SIPA1L3: variants seen among roughly 807,000 people sequenced by gnomAD.
The protein encoded by SIPA1L3 is signal induced proliferation associated 1 like 3.
A neutral mutation model predicts 150.1 loss-of-function variants in SIPA1L3; 59 were observed. The observed-to-expected ratio is 0.39, with a 90% CI of 0.32 to 0.49. The LOEUF (loss-of-function observed/expected upper bound fraction) is 0.49. Among genes scored for constraint, SIPA1L3 ranks in the 20% least tolerant of loss-of-function variants. The pLI is 0.86. For missense variants in SIPA1L3, 2,211 were observed against 2,489.5 expected (o/e 0.89, Z 2.38); for synonymous variants, 1,070 against 1,077.6 (o/e 0.99, Z 0.14).
chr19:37,977,666 A>G (rs532715110), intron 1 of SIPA1L3, among the ~76,000 whole-genome samples: 98 of 151,998 alleles, frequency 6.4e-4, no homozygotes, highest in Middle Eastern at 3.4e-3. Context: ...AAGTTGGGGC[A>G]GAGACTCCAG....
chr19:38,013,990 G>C (rs185082578), intron 1 of SIPA1L3, among the ~76,000 whole-genome samples: 9 of 152,264 alleles, frequency 5.9e-5, no homozygotes, highest in Non-Finnish European at 1.3e-4. Flanking sequence ...TTGTCATTTT[G>C]TTGGGGACAG....
chr19:38,198,434 G>GC lies in SIPA1L3; in HGVS notation c.4891dup (p.Leu1631ProfsTer13). On this transcript the variant is annotated frameshift_variant, in exon 19 of 22. Transcript: ENST00000222345. LOFTEE classifies it high-confidence loss of function. Reference sequence around the variant, plus strand: ...CTCTCGCTGGCTGATGGGCGGGACCGCCCCCTGCGGCGCCTGGACCCTGGG... The same window carrying GC: ...CTCTCGCTGGCTGATGGGCGGGACCGCCCCCCTGCGGCGCCTGGACCCTGGG... The GC allele has an allele frequency of 1.9e-6, 3 of 1,596,310 alleles. No individual in the cohort carries two copies. Among genetic ancestry groups the GC allele is most frequent in the South Asian group, 2.3e-5 (2 of 88,804 alleles).
At chr19:38,203,799 T>C in intron 20 of SIPA1L3, 1 of 289,638 alleles carries the variant, frequency 3.5e-6, no homozygotes, top group East Asian at 7.5e-5. Flanking sequence ...AGTGGGCTCT[T>C]TGTATCCTGG....
chr19:37,924,336 T>C (rs901717470), intron 1 of SIPA1L3, among the ~76,000 whole-genome samples: 1 of 151,904 alleles, frequency 6.6e-6, no homozygotes, highest in African/African-American at 2.4e-5. Context: ...GTAACACACG[T>C]GGAGCTGTCA....
rs10644508 is a variant in SIPA1L3, at chr19:37,919,705, C to CTTTTTT, written c.-379+12364_-379+12369dup. Among the ~76,000 whole-genome samples the CTTTTTT allele has an allele frequency of 9.0e-4, 76 of 84,238 alleles. 2 individuals are homozygous for CTTTTTT. The highest frequency in any genetic ancestry group is 3.0e-3 in the African/African-American group (60 of 20,014). The allele number at this position is 84,238 out of a possible 152,430, so 55.3% of individuals were successfully genotyped here. A position where few individuals can be genotyped will look rare whatever the true frequency, so the allele number is the denominator to read the frequency against. The stretch of plus-strand genomic sequence containing the variant: ...TCCCAGGCCCCTTTGGGCCCTGAGG[C>CTTTTTT]TTTTTTTTTTTTTTTTTTTTTTGAG... On this transcript the variant is annotated intron_variant, in intron 1 of 21. Transcript: ENST00000222345.
chr19:38,157,243 C>T (rs1471594410), intron 13 of SIPA1L3, among the ~76,000 whole-genome samples: 1 of 152,192 alleles, frequency 6.6e-6, no homozygotes, highest in East Asian at 1.9e-4. Flanking sequence ...TTTGCCCAGC[C>T]CCGATGGAGC....
At chr19:38,167,281 C>A (rs1234139667) in intron 15 of SIPA1L3, among the ~76,000 whole-genome samples, 1 of 146,564 alleles carries the variant, frequency 6.8e-6, no homozygotes, top group Non-Finnish European at 1.5e-5. Flanking sequence ...TAATTCTTAA[C>A]CTGTGTGTGA....
At chr19:38,051,949 A>G (rs762895603) in intron 2 of SIPA1L3, among the ~76,000 whole-genome samples, 2 of 152,192 alleles carry the variant, frequency 1.3e-5, no homozygotes, top group African/African-American at 4.8e-5. Context: ...TAGAAATAGC[A>G]TATATTGCCT....
intron 1 of SIPA1L3, among the ~76,000 whole-genome samples, chr19:37,911,490 T>A (rs1394087767): frequency 1.3e-5 from 2 of 152,020 alleles, no homozygotes; most frequent in East Asian, 3.9e-4. Flanking sequence ...TGCTGGTCCT[T>A]TAGGTTGTTC....
chr19:38,082,906 T>C lies in SIPA1L3; in HGVS notation c.1341T>C (p.Ala447=). The change falls in exon 3 of 22, where the codon GCT becomes GCC. Residue 447 remains alanine (A), a synonymous_variant. Transcript: ENST00000222345. ...ECERNVSFSR[A]SVGSPSSGEG... Reference sequence around the variant, plus strand: ...AGCGCAACGTGAGCTTCTCCCGGGCTTCCGTGGGCTCCCCGAGCAGCGGCG... The same window carrying C: ...AGCGCAACGTGAGCTTCTCCCGGGCCTCCGTGGGCTCCCCGAGCAGCGGCG... 6.2e-7 allele frequency: 1 copy of C among 1,613,216 alleles called. No homozygotes were observed. Among genetic ancestry groups the C allele is most frequent in the Non-Finnish European group, 8.5e-7 (1 of 1,179,882 alleles).
intron 2 of SIPA1L3, among the ~76,000 whole-genome samples, chr19:38,039,703 A>G (rs1968869656): frequency 8.5e-6 from 1 of 117,542 alleles, no homozygotes; most frequent in Admixed American, 9.6e-5. Flanking sequence ...CAAAAAAAAA[A>G]AAAAAAAAAA....
At position 38,206,081 on chromosome 19, in the gene SIPA1L3, T is replaced by C; in HGVS notation, c.5203-16T>C. 2 of 1,532,880 alleles carry C rather than the reference T, an allele frequency of 1.3e-6. No homozygotes were observed. Among genetic ancestry groups the C allele is most frequent in the Non-Finnish European group, 1.8e-6 (2 of 1,135,204 alleles). The allele number at this position is 1,532,880 out of a possible 1,614,324, so 95.0% of individuals were successfully genotyped here. On this transcript the variant is annotated splice_polypyrimidine_tract_variant and intron_variant, in intron 21 of 21. Coordinates refer to ENST00000222345, the MANE Select transcript of SIPA1L3 (RefSeq NM_015073.3). ...CCAAGCCCACCCGCCTGATGCCAGC[T>C]TCCCACCCTGTGCAGGAGAAGCAGG...
intron 2 of SIPA1L3, among the ~76,000 whole-genome samples, chr19:38,073,083 C>CCCGTG (rs1202073854): frequency 1.8e-4 from 28 of 152,316 alleles, no homozygotes; most frequent in African/African-American, 6.7e-4. Context: ...TATCCACATT[C>CCCGTG]TAGCCAGTGG....
chr19:38,138,877 G>A (rs182117659), intron 10 of SIPA1L3, among the ~76,000 whole-genome samples: 1,402 of 92,122 alleles, frequency 0.015, 10 homozygotes, highest in Non-Finnish European at 0.021. Context: ...CAGCCTGGGT[G>A]ACAGAACGAG....
At chr19:38,150,780 A>T (rs1971804467) in intron 12 of SIPA1L3, among the ~76,000 whole-genome samples, 1 of 151,772 alleles carries the variant, frequency 6.6e-6, no homozygotes, top group Admixed American at 6.6e-5. Flanking sequence ...AGCTCTAGTG[A>T]TCTGCCTGCC....
chr19:38,099,723 C>T (rs1008333477), intron 4 of SIPA1L3, among the ~76,000 whole-genome samples: 1 of 152,156 alleles, frequency 6.6e-6, no homozygotes, highest in Non-Finnish European at 1.5e-5. Context: ...CGATACCATC[C>T]TGTACCCATT....
chr19:38,015,223 A>G (rs1474273164), intron 1 of SIPA1L3, among the ~76,000 whole-genome samples: 1 of 152,250 alleles, frequency 6.6e-6, no homozygotes, highest in Non-Finnish European at 1.5e-5. Context: ...CATTCTTACC[A>G]GAATAGTGGA....
intron 6 of SIPA1L3, among the ~76,000 whole-genome samples, chr19:38,102,586 G>A (rs1970530375): frequency 8.5e-6 from 1 of 117,538 alleles, no homozygotes; most frequent in Non-Finnish European, 1.7e-5. Context: ...GCAAGACCCT[G>A]TCTCTGAAAA....
chr19:37,969,529 G>T (rs1181410256), intron 1 of SIPA1L3, among the ~76,000 whole-genome samples: 2 of 152,040 alleles, frequency 1.3e-5, no homozygotes, highest in Admixed American at 6.5e-5. Flanking sequence ...TCCAGCCTGG[G>T]TGACAGAGTT....
Sources: gnomAD v4.1 joint callset for allele counts (sites outside exome capture counted in the v4.1 genomes callset) on GRCh38, gnomAD v4.1.1 for gene constraint, MANE v1.5 for transcripts, NCBI Gene and HGNC (gene_info 2026-07-23, HGNC 2026-07-21) for gene names.